PTPRT: variants seen among roughly 807,000 people sequenced by gnomAD.
The protein encoded by PTPRT is receptor-type tyrosine-protein phosphatase T.
In PTPRT, 56 loss-of-function variants were observed where a neutral mutation model predicts 176.8. The ratio of observed to expected loss-of-function variants is 0.32; its 90% confidence interval spans 0.26 to 0.40. The LOEUF (loss-of-function observed/expected upper bound fraction) is 0.40. Among genes scored for constraint, PTPRT ranks in the 10% least tolerant of loss-of-function variants. PTPRT has a pLI of 1.00. For missense variants in PTPRT, 1,540 were observed against 1,908.2 expected (o/e 0.81, Z 3.60); for synonymous variants, 783 against 739.0 (o/e 1.06, Z -0.96).
chr20:42,149,526 T>C (rs1347993868), intron 17 of PTPRT, among the ~76,000 whole-genome samples: 2 of 151,626 alleles, frequency 1.3e-5, no homozygotes, highest in Non-Finnish European at 2.9e-5. Flanking sequence ...TGGGTTCAAG[T>C]GATTCTCCCG....
chr20:42,957,768 T>G (rs976725760), intron 1 of PTPRT, among the ~76,000 whole-genome samples: 1 of 152,158 alleles, frequency 6.6e-6, no homozygotes, highest in Admixed American at 6.5e-5. Context: ...TTAATTTTCT[T>G]TCTCATTAAT....
intron 7 of PTPRT, among the ~76,000 whole-genome samples, chr20:42,598,923 A>T (rs73278778): frequency 0.031 from 4,773 of 152,298 alleles, 237 homozygotes; most frequent in African/African-American, 0.1. Context: ...CACGGCGGCT[A>T]AATAAACGAA....
intron 14 of PTPRT, among the ~76,000 whole-genome samples, chr20:42,238,148 A>G (rs1460056733): frequency 6.6e-6 from 1 of 152,182 alleles, no homozygotes; most frequent in Non-Finnish European, 1.5e-5. Context: ...AAAGTTTAGA[A>G]AATTTGCCCG....
intron 6 of PTPRT, among the ~76,000 whole-genome samples, chr20:42,722,867 G>C (rs752746354): frequency 6.6e-6 from 1 of 152,196 alleles, no homozygotes; most frequent in African/African-American, 2.4e-5. Flanking sequence ...TGAGCTCATC[G>C]CATACCACAT....
Position 42,712,919 on chromosome 20 carries a change from G to A in PTPRT, c.860-34760C>T, listed in dbSNP as rs114740228. On this transcript the variant is annotated intron_variant, in intron 6 of 30. Coordinates refer to ENST00000373187, the MANE Select transcript of PTPRT (RefSeq NM_007050.6). ...AACCCAAGTAAATAAATGATGGTGC[G>A]TGCATACAATGGAATATCCCAGAGC... Among the ~76,000 whole-genome samples, 518 of 152,184 alleles carry A rather than the reference G, an allele frequency of 3.4e-3. 3 individuals carry two copies. Among genetic ancestry groups the A allele is most frequent in the African/African-American group, 7.8e-3 (322 of 41,516 alleles).
chr20:42,641,675 C>T (rs996653542), intron 7 of PTPRT, among the ~76,000 whole-genome samples: 1 of 152,080 alleles, frequency 6.6e-6, no homozygotes. Context: ...TTGCAAATGG[C>T]TTGGATGAGC....
intron 23 of PTPRT, 64 bp from the exon 24 acceptor site, chr20:42,106,985 C>T: frequency 3.2e-6 from 5 of 1,576,786 alleles, no homozygotes; most frequent in Non-Finnish European, 3.5e-6. Flanking sequence ...GGGGAGGCCC[C>T]TAGCATTCAG....
chr20:42,400,913 A>G (rs2058900135), intron 9 of PTPRT, among the ~76,000 whole-genome samples: 1 of 151,988 alleles, frequency 6.6e-6, no homozygotes, highest in South Asian at 2.1e-4. Flanking sequence ...CGGGTTTTTA[A>G]CAGATGAAGC....
chr20:42,201,117 C>T (rs1169386432), intron 15 of PTPRT, among the ~76,000 whole-genome samples: 1 of 152,118 alleles, frequency 6.6e-6, no homozygotes, highest in African/African-American at 2.4e-5. Flanking sequence ...GAATTGAGAC[C>T]AGCTTGGGCA....
chr20:42,131,128 T>G (rs975736783), intron 18 of PTPRT, among the ~76,000 whole-genome samples: 3 of 152,212 alleles, frequency 2.0e-5, no homozygotes, highest in Non-Finnish European at 4.4e-5. Context: ...TCCCAGAGTC[T>G]CAGGCATCTC....
At chr20:42,874,831 A>G (rs1053554503) in intron 2 of PTPRT, among the ~76,000 whole-genome samples, 1 of 152,238 alleles carries the variant, frequency 6.6e-6, no homozygotes, top group African/African-American at 2.4e-5. Flanking sequence ...AGGTTAAAAG[A>G]CATAGTGGTT....
intron 9 of PTPRT, among the ~76,000 whole-genome samples, chr20:42,388,732 C>A (rs1465209695): frequency 6.6e-6 from 1 of 152,204 alleles, no homozygotes; most frequent in African/African-American, 2.4e-5. Flanking sequence ...CCTCAAGGAT[C>A]TAGAACTAGA....
chr20:42,479,965 G>A (rs755098584), intron 7 of PTPRT, among the ~76,000 whole-genome samples: 10 of 152,154 alleles, frequency 6.6e-5, no homozygotes, highest in South Asian at 2.1e-4. Flanking sequence ...GATCCTACCC[G>A]TGCTGATGAT....
intron 1 of PTPRT, among the ~76,000 whole-genome samples, chr20:43,070,081 C>T (rs750117977): frequency 6.6e-6 from 1 of 152,038 alleles, no homozygotes; most frequent in Non-Finnish European, 1.5e-5. Context: ...TTTCAATGGC[C>T]CAGAATACTT....
intron 1 of PTPRT, among the ~76,000 whole-genome samples, chr20:43,005,152 TA>T (rs1488431330): frequency 6.6e-6 from 1 of 151,960 alleles, no homozygotes; most frequent in African/African-American, 2.4e-5. Flanking sequence ...GGGTGCTTTT[TA>T]AAAAAACACA....
Position 42,472,536 on chromosome 20 carries a change from C to T in PTPRT, c.1180G>A (p.Glu394Lys), listed in dbSNP as rs370385649. 8.7e-6 allele frequency: 14 copies of T among 1,613,960 alleles called. No individual in the cohort carries two copies. The African/African-American group carries it at 1.9e-4, about 22-fold the overall frequency. The change falls in exon 8 of 31, where the codon GAA (glutamate) becomes AAA (lysine). Residue 394 changes from glutamate to lysine, a missense_variant. By Grantham distance (56) the Glu-to-Lys change is moderately conservative. Around this residue, in one of 11 missense-constraint regions of PTPRT, gnomAD observed 273 missense variants for 432.1 expected, o/e 0.63. Transcript: ENST00000373187. ...TGCCGGGCTCTGATGTCTACGATTT[C>T]CACGTTCTGTGGGCCATGTACCGGA... ...ADPVHGPQNV[E>K]IVDIRARQLT...
intron 1 of PTPRT, among the ~76,000 whole-genome samples, chr20:42,942,582 G>A (rs552614308): frequency 5.3e-5 from 8 of 152,126 alleles, no homozygotes; most frequent in Admixed American, 1.3e-4. Context: ...GCTTTATCTC[G>A]TTCTCTCTCG....
chr20:42,627,349 G>A (rs1009970013), intron 7 of PTPRT, among the ~76,000 whole-genome samples: 11 of 151,610 alleles, frequency 7.3e-5, no homozygotes, highest in Admixed American at 2.6e-4. Flanking sequence ...TTGCAGCCTC[G>A]CACACCTGGG....
rs6130187 is a variant in PTPRT, at chr20:42,655,963, A to C, written c.1153+21903T>G. ...GGAAGAGTTTGTGTAATGAAGAGAG[A>C]ATTGGGCAGAGGACACAGCCCTAAG... On this transcript the variant is annotated intron_variant, in intron 7 of 30. Transcript: ENST00000373187. 8.2e-4 allele frequency among the ~76,000 whole-genome samples: 125 copies of C among 152,272 alleles called. 2 individuals are homozygous for C. The East Asian group carries it at 0.02, about 25-fold the overall frequency.
Sources: gnomAD v4.1 joint callset for allele counts (sites outside exome capture counted in the v4.1 genomes callset) on GRCh38, gnomAD v4.1.1 for gene constraint, gnomAD v4.1.1 regional missense constraint, MANE v1.5 for transcripts, NCBI Gene and HGNC (gene_info 2026-07-23, HGNC 2026-07-21) for gene names.